Variants in FAAH2 observed in about 807,000 individuals in gnomAD.
FAAH2 encodes the protein fatty-acid amide hydrolase 2.
A neutral mutation model predicts 36.9 loss-of-function variants in FAAH2; 60 were observed. The observed-to-expected ratio is 1.63, with a 90% confidence interval of 1.32 to 2.02. The LOEUF (loss-of-function observed/expected upper bound fraction) is 2.02, where lower values mean the gene tolerates loss of function less well. Among genes scored for constraint, FAAH2 ranks in the 30% most tolerant of loss-of-function variants. FAAH2 has a pLI of 0.00. For missense variants in FAAH2, 689 were observed against 397.5 expected (o/e 1.73, Z -6.23); for synonymous variants, 214 against 143.8 (o/e 1.49, Z -3.49).
chrX:57,268,513 T>C, the FAAH2 span, among the ~76,000 whole-genome samples: 1 of 110,851 alleles, frequency 9.0e-6, no homozygotes, highest in African/African-American at 3.3e-5. Context: ...CCCAGTAACA[T>C]GCTCCACAGA....
chrX:57,385,310 G>A (rs2054990014), intron 7 of FAAH2, among the ~76,000 whole-genome samples: 1 of 106,336 alleles, frequency 9.4e-6, no homozygotes, highest in Admixed American at 1.0e-4. Flanking sequence ...TGTAAAACTA[G>A]AAGAAACTTG....
intron 7 of FAAH2, chrX:57,395,453 C>T (rs995803142): frequency 9.0e-6 from 5 of 556,144 alleles, no homozygotes; most frequent in African/African-American, 2.3e-5. Flanking sequence ...CACCAATATC[C>T]TGTTCAGTTC....
the FAAH2 span, among the ~76,000 whole-genome samples, chrX:57,125,260 A>G: frequency 8.9e-6 from 1 of 112,874 alleles, no homozygotes; most frequent in African/African-American, 3.2e-5. Flanking sequence ...CTGTTGAGAT[A>G]ATCATGTGGT....
At chrX:57,345,567 C>CAAA (rs1427481185) in intron 5 of FAAH2, among the ~76,000 whole-genome samples, 1 of 110,230 alleles carries the variant, frequency 9.1e-6, no homozygotes, top group Non-Finnish European at 1.9e-5. Flanking sequence ...TTTATTCCTT[C>CAAA]AAAAAAGAGA....
chrX:57,488,756 G>A lies in FAAH2; in HGVS notation c.1424-1G>A. On this transcript the variant is annotated splice_acceptor_variant, in intron 10 of 10. Transcript: ENST00000374900. LOFTEE classifies it high-confidence loss of function. ...TCACTTATTTTGTTTGTTTTCTTCA[G>A]GTGTCTTCAGTGCCCTGGGTTTGCC... 2.5e-6 allele frequency: 3 copies of A among 1,208,560 alleles called. No individual in the cohort carries two copies. The highest frequency in any genetic ancestry group is 3.4e-6 in the Non-Finnish European group (3 of 894,381).
intron 2 of FAAH2, among the ~76,000 whole-genome samples, chrX:57,306,720 GTGTGTGTGTGTATA>G (rs1159999658): frequency 1.4e-5 from 1 of 72,502 alleles, no homozygotes; most frequent in African/African-American, 6.5e-5. Context: ...GTGTGTGTGT[GTGTGTGTGTGTATA>G]TATATACACA....
At chrX:57,478,561 A>C (rs748371157) in intron 10 of FAAH2, among the ~76,000 whole-genome samples, 45 of 111,652 alleles carry the variant, frequency 4.0e-4, no homozygotes, top group Non-Finnish European at 7.9e-4. Flanking sequence ...ATGTCCTTGC[A>C]CATGCCTATG....
At chrX:57,409,043 A>G (rs2055635851) in intron 7 of FAAH2, among the ~76,000 whole-genome samples, 1 of 111,678 alleles carries the variant, frequency 9.0e-6, no homozygotes, top group South Asian at 3.7e-4. Context: ...TTCCTAGGAT[A>G]CTAACATATA....
chrX:57,260,702 A>G, the FAAH2 span, among the ~76,000 whole-genome samples: 1 of 111,733 alleles, frequency 8.9e-6, no homozygotes, highest in African/African-American at 3.3e-5. Context: ...AAGAATTAGA[A>G]ATGAGTGAAA....
At chrX:57,191,279 T>C in the FAAH2 span, among the ~76,000 whole-genome samples, 1 of 112,168 alleles carries the variant, frequency 8.9e-6, no homozygotes, top group African/African-American at 3.2e-5. Flanking sequence ...TTGCCATTTG[T>C]GTGTCTTCTT....
the FAAH2 span, among the ~76,000 whole-genome samples, chrX:57,192,710 G>T: frequency 8.9e-6 from 1 of 112,045 alleles, no homozygotes; most frequent in South Asian, 3.7e-4. Context: ...CATGGCAGAA[G>T]CACGTGGATT....
the FAAH2 span, among the ~76,000 whole-genome samples, chrX:57,213,340 C>G: frequency 9.0e-6 from 1 of 111,077 alleles, no homozygotes; most frequent in Non-Finnish European, 1.9e-5. Flanking sequence ...ACTTCTACTT[C>G]GATCTTTGTT....
chrX:57,371,530 T>C (rs761397676), intron 5 of FAAH2, among the ~76,000 whole-genome samples: 2 of 110,353 alleles, frequency 1.8e-5, no homozygotes, highest in South Asian at 7.9e-4. Flanking sequence ...TTATGAATAG[T>C]GCTGCTGTAG....
At chrX:57,339,329 A>G (rs1333761801) in intron 4 of FAAH2, among the ~76,000 whole-genome samples, 2 of 112,335 alleles carry the variant, frequency 1.8e-5, no homozygotes, top group East Asian at 5.6e-4. Context: ...AAGTCTAGGC[A>G]GTACCATTCA....
At chrX:57,151,174 C>T in the FAAH2 span, among the ~76,000 whole-genome samples, 1 of 112,244 alleles carries the variant, frequency 8.9e-6, no homozygotes, top group Non-Finnish European at 1.9e-5. Flanking sequence ...CCCGACTTTT[C>T]TGTCTGGCTG....
At chrX:57,277,445 T>C in the FAAH2 span, among the ~76,000 whole-genome samples, 1 of 111,957 alleles carries the variant, frequency 8.9e-6, no homozygotes, top group Admixed American at 9.5e-5. Context: ...GATCTATTTA[T>C]GACAAACCCA....
intron 8 of FAAH2, among the ~76,000 whole-genome samples, chrX:57,442,995 G>A (rs915917513): frequency 1.8e-5 from 2 of 111,778 alleles, no homozygotes; most frequent in Non-Finnish European, 3.8e-5. Flanking sequence ...AGTCTGATGG[G>A]CTTCCCTTTG....
At chrX:57,221,468 TC>T in the FAAH2 span, among the ~76,000 whole-genome samples, 1 of 110,863 alleles carries the variant, frequency 9.0e-6, no homozygotes, top group African/African-American at 3.3e-5. Flanking sequence ...TAGTATGCCA[TC>T]CCCCAAGTAG....
chrX:57,250,582 A>G, the FAAH2 span, among the ~76,000 whole-genome samples: 1 of 111,112 alleles, frequency 9.0e-6, no homozygotes, highest in Admixed American at 9.6e-5. Context: ...CCAATCCACA[A>G]TGTAAACATA....
Sources: allele counts gnomAD v4.1 joint callset (sites outside exome capture counted in the v4.1 genomes callset), GRCh38; gene constraint gnomAD v4.1.1; transcripts MANE v1.5; gene names NCBI Gene and HGNC (gene_info 2026-07-23, HGNC 2026-07-21).